Variants in KAZN observed in about 807,000 individuals in gnomAD.
KAZN encodes the protein kazrin.
KAZN carries 40 observed loss-of-function variants against 87.4 expected under a neutral mutation model. The ratio of observed to expected loss-of-function variants is 0.46; its 90% CI spans 0.36 to 0.60. The LOEUF is 0.60. KAZN is among the 20% of genes least tolerant of loss of function. KAZN has a pLI of 0.00. For missense variants in KAZN, 898 were observed against 1,073.9 expected (o/e 0.84, Z 2.29); for synonymous variants, 466 against 458.3 (o/e 1.02, Z -0.22).
intron 2 of KAZN, among the ~76,000 whole-genome samples, chr1:14,367,341 G>A (rs909181151): frequency 5.3e-5 from 8 of 152,078 alleles, no homozygotes; most frequent in South Asian, 2.1e-4. Context: ...CTCTGAGGTC[G>A]CACTGTCAAG....
chr1:14,628,863 T>TA (rs1491107554), intron 1 of KAZN, among the ~76,000 whole-genome samples: 9 of 139,702 alleles, frequency 6.4e-5, no homozygotes, highest in South Asian at 2.3e-4. Flanking sequence ...TTTTTTTTTT[T>TA]ATAGATGGAG....
In KAZN at chr1:14,735,083, G is replaced by A. The variant is rs1353294466; in HGVS notation, c.226+135860G>A. Among the ~76,000 whole-genome samples the A allele has an allele frequency of 2.0e-5, 3 of 152,098 alleles. No individual in the cohort carries two copies. The highest frequency in any genetic ancestry group is 4.4e-5 in the Non-Finnish European group (3 of 68,032). ...GGTTTTTTTTGTTTTGTTTTGAGAC[G>A]GAGTCTCGCTCTTTCGCCCAGGCCG... On this transcript the variant is annotated intron_variant, in intron 1 of 14. Coordinates refer to ENST00000376030, the MANE Select transcript of KAZN (RefSeq NM_201628.3). This position sits in a 1 kb window ranked among gnomAD's most constrained non-coding sequence, Gnocchi z 4.3.
chr1:14,294,381 G>A (rs1254344165), intron 2 of KAZN, among the ~76,000 whole-genome samples: 1 of 152,094 alleles, frequency 6.6e-6, no homozygotes, highest in African/African-American at 2.4e-5. Context: ...ATATACTGCA[G>A]TCTCAAAAAC....
intron 1 of KAZN, among the ~76,000 whole-genome samples, chr1:14,090,673 C>T (rs994397259): frequency 1.3e-5 from 2 of 152,126 alleles, no homozygotes; most frequent in Non-Finnish European, 2.9e-5. Context: ...CTTTCAATAC[C>T]ATGTGTTTCT....
chr1:14,697,029 G>A (rs763819997), intron 1 of KAZN, among the ~76,000 whole-genome samples: 7 of 151,864 alleles, frequency 4.6e-5, no homozygotes, highest in South Asian at 2.1e-4. Context: ...AGTGGCACAC[G>A]GCTGTAACCC....
chr1:14,541,890 T>A (rs1672832755), intron 2 of KAZN, among the ~76,000 whole-genome samples: 1 of 152,188 alleles, frequency 6.6e-6, no homozygotes. Flanking sequence ...CATCTGATGA[T>A]CGGGAGCAGC....
intron 2 of KAZN, among the ~76,000 whole-genome samples, chr1:15,027,814 G>C (rs544844251): frequency 6.6e-6 from 1 of 150,856 alleles, no homozygotes; most frequent in Non-Finnish European, 1.5e-5. Flanking sequence ...TCCAGGATTG[G>C]GCCCACAGTG....
intron 1 of KAZN, among the ~76,000 whole-genome samples, chr1:14,889,668 C>T (rs1019029299): frequency 6.6e-5 from 10 of 152,338 alleles, no homozygotes; most frequent in South Asian, 2.1e-4. Flanking sequence ...TGGCAAACTA[C>T]AGCCCACAGG....
In KAZN at chr1:15,117,035, A is replaced by G. The variant is rs533871455; in HGVS notation, c.*2400A>G. The G allele has an allele frequency of 8.0e-4, 122 of 152,328 alleles. No homozygotes were observed. The highest frequency in any genetic ancestry group is 2.7e-3 in the African/African-American group (113 of 41,558). 9.4% of individuals were successfully genotyped at this position (152,328 alleles called of 1,614,324 possible). On this transcript the variant is annotated 3_prime_UTR_variant, in exon 15 of 15. Transcript: ENST00000376030. ...GAGCATTTGGAGCTGGTTTCTCAAC[A>G]TGAGGATGGGTTGGTTGTTAAATTA...
At chr1:14,442,584 G>C (rs1213050173) in intron 2 of KAZN, among the ~76,000 whole-genome samples, 1 of 152,184 alleles carries the variant, frequency 6.6e-6, no homozygotes, top group African/African-American at 2.4e-5. Flanking sequence ...GGGTTAACCT[G>C]GTGGGGTGCA....
intron 1 of KAZN, among the ~76,000 whole-genome samples, chr1:14,114,032 C>A (rs1255183832): frequency 6.6e-6 from 1 of 152,188 alleles, no homozygotes; most frequent in Admixed American, 6.5e-5. Flanking sequence ...GGGGAGGGCA[C>A]TCTTCTCTCA....
intron 2 of KAZN, among the ~76,000 whole-genome samples, chr1:14,354,165 C>T (rs1165430953): frequency 6.6e-6 from 1 of 151,824 alleles, no homozygotes; most frequent in African/African-American, 2.4e-5. Flanking sequence ...AGTGCTAGAA[C>T]AACTGGATAA....
chr1:15,113,289 G>C (rs919970529), intron 14 of KAZN: 1 of 152,116 alleles, frequency 6.6e-6, no homozygotes, highest in South Asian at 2.1e-4. Context: ...GGGGGTGGGG[G>C]CGGTGGCAAA....
chr1:15,008,458 C>T (rs752657475), intron 2 of KAZN, among the ~76,000 whole-genome samples: 6 of 152,190 alleles, frequency 3.9e-5, no homozygotes, highest in Non-Finnish European at 5.9e-5. Flanking sequence ...CACTGGTACT[C>T]AGTAGGTTGT....
rs148224340 is a variant in KAZN at position 14,960,783 on chromosome 1, G to T, written c.326G>T (p.Gly109Val). ...LAKDLEESQG[G>V]KSSEVLSATE... ...AAGGACCTGGAGGAGTCGCAGGGCGGCAAGTCCTCTGAGGTCCTCTCGGCC... is the reference window on the plus strand; with the variant it reads ...AAGGACCTGGAGGAGTCGCAGGGCGTCAAGTCCTCTGAGGTCCTCTCGGCC... The change falls in exon 2 of 15, where the codon GGC (glycine) becomes GTC (valine). Residue 109 changes from glycine (G) to valine (V), a missense_variant. Physicochemically the swap from Gly to Val is moderately radical, Grantham distance 109. Coordinates refer to ENST00000376030, the MANE Select transcript of KAZN (RefSeq NM_201628.3). 1.7e-5 allele frequency: 27 copies of T among 1,610,784 alleles called. No homozygotes were observed. The highest frequency in any genetic ancestry group is 2.3e-5 in the Non-Finnish European group (27 of 1,178,812).
At position 14,875,672 on chromosome 1, in the gene KAZN, C is replaced by A. The variant is rs189875846; in HGVS notation, c.227-85012C>A. On this transcript the variant is annotated intron_variant, in intron 1 of 14. Transcript: ENST00000376030. ...GTTACATTTTCAGGAATGTTATAAG[C>A]CTCATACTGGTGGCTTAAAATTGAT... Among the ~76,000 whole-genome samples the A allele has an allele frequency of 1.4e-4, 21 of 152,264 alleles. No individual in the cohort carries two copies. In the East Asian group the frequency reaches 4.1e-3, roughly 29 times the overall value.
Position 15,094,114 on chromosome 1 carries a change from T to C in KAZN, c.1223-66T>C, listed in dbSNP as rs923123147. ...CACCACCCTCTGCCTCCCGGGGGTA[T>C]GGCCTGCCCAGCCCCTGCCCCCAGC... On this transcript the variant is annotated intron_variant, in intron 8 of 14. Transcript: ENST00000376030. The surrounding 1 kb of genome is among the most constrained non-coding windows in gnomAD (Gnocchi z 4.5). The C allele has an allele frequency of 2.8e-6, 4 of 1,453,726 alleles. No homozygotes were observed. The Admixed American group carries it at 7.1e-5, about 26-fold the overall frequency. 90.1% of individuals were successfully genotyped at this position (1,453,726 alleles called of 1,614,324 possible).
At chr1:14,375,688 C>T (rs2101031010) in intron 2 of KAZN, among the ~76,000 whole-genome samples, 1 of 152,192 alleles carries the variant, frequency 6.6e-6, no homozygotes, top group South Asian at 2.1e-4. Context: ...AGATCGAGAC[C>T]ATCCTGGCTA....
chr1:14,961,655 G>C (rs543019316), intron 2 of KAZN, among the ~76,000 whole-genome samples: 2 of 152,172 alleles, frequency 1.3e-5, no homozygotes, highest in Non-Finnish European at 2.9e-5. Flanking sequence ...AGCCTTTGGG[G>C]TCTGCATTGA....
Sources: allele counts gnomAD v4.1 joint callset (sites outside exome capture counted in the v4.1 genomes callset), GRCh38; gene constraint gnomAD v4.1.1; non-coding constraint Gnocchi (gnomAD v3.1); transcripts MANE v1.5; gene names NCBI Gene and HGNC (gene_info 2026-07-23, HGNC 2026-07-21).